CENPW: variants seen among roughly 807,000 people sequenced by gnomAD.
CENPW encodes the protein centromere protein W.
A neutral mutation model predicts 11.1 loss-of-function variants in CENPW; 3 were observed. The ratio of observed to expected loss-of-function variants is 0.27; its 90% CI spans 0.12 to 0.70. The LOEUF (loss-of-function observed/expected upper bound fraction) is 0.70, where lower values mean the gene tolerates loss of function less well. Ranked by LOEUF, CENPW falls within the 30% of genes least tolerant of loss-of-function variation. The pLI, the probability that CENPW is intolerant of heterozygous loss-of-function variation, is 0.77. For synonymous variants in CENPW, 38 were observed against 42.0 expected, an observed-to-expected ratio of 0.91 and a Z score of 0.37; for missense variants, 100 against 105.6, an observed-to-expected ratio of 0.95 and a Z score of 0.23.
chr6:126,375,832 A>G, the CENPW span, among the ~76,000 whole-genome samples: 1 of 152,048 alleles, frequency 6.6e-6, no homozygotes, highest in Non-Finnish European at 1.5e-5. Flanking sequence ...ACTCCTTTCT[A>G]ATTTCTAATG....
chr6:126,364,075 G>A, the CENPW span, among the ~76,000 whole-genome samples: 2 of 152,114 alleles, frequency 1.3e-5, no homozygotes, highest in East Asian at 1.9e-4. Context: ...AGTTTGACAG[G>A]CTATAGTGAA....
the CENPW span, among the ~76,000 whole-genome samples, chr6:126,396,140 G>GC: frequency 1.0e-2 from 1,516 of 152,184 alleles, 21 homozygotes; most frequent in African/African-American, 0.035. Context: ...GCTCCCCCAG[G>GC]CCCTGAGTGT....
At chr6:126,396,031 C>G in the CENPW span, among the ~76,000 whole-genome samples, 18 of 152,212 alleles carry the variant, frequency 1.2e-4, no homozygotes, top group African/African-American at 4.3e-4. Flanking sequence ...AGTGTAACCA[C>G]TAACTGGCTA....
the CENPW span, among the ~76,000 whole-genome samples, chr6:126,372,412 A>G: frequency 6.6e-6 from 1 of 152,206 alleles, no homozygotes. Flanking sequence ...TCTTTTCAAA[A>G]TTGCATATCA....
At chr6:126,440,205 G>A in the CENPW span, among the ~76,000 whole-genome samples, 1 of 151,596 alleles carries the variant, frequency 6.6e-6, no homozygotes, top group African/African-American at 2.4e-5. Context: ...ATAGGTGAGA[G>A]CATGAATAAA....
the CENPW span, among the ~76,000 whole-genome samples, chr6:126,465,265 CA>C: frequency 1.8e-4 from 28 of 152,028 alleles, no homozygotes; most frequent in Admixed American, 1.6e-3. Flanking sequence ...AAATTAAAAA[CA>C]GAGTTTACAA....
chr6:126,400,400 A>T, the CENPW span, among the ~76,000 whole-genome samples: 2 of 151,988 alleles, frequency 1.3e-5, no homozygotes, highest in Admixed American at 6.6e-5. Flanking sequence ...TTTAAAATTT[A>T]TACTGTCTTT....
chr6:126,412,543 C>T, the CENPW span, among the ~76,000 whole-genome samples: 7 of 152,014 alleles, frequency 4.6e-5, no homozygotes, highest in African/African-American at 1.7e-4. Flanking sequence ...TTGTATTTAT[C>T]CTACATGGAA....
chr6:126,363,357 CA>C, the CENPW span, among the ~76,000 whole-genome samples: 1 of 152,282 alleles, frequency 6.6e-6, no homozygotes, highest in African/African-American at 2.4e-5. Flanking sequence ...ATTTCACATA[CA>C]AATTTAATTT....
chr6:126,468,615 G>T, the CENPW span, among the ~76,000 whole-genome samples: 1 of 151,808 alleles, frequency 6.6e-6, no homozygotes, highest in Non-Finnish European at 1.5e-5. Flanking sequence ...CTAATGTAAA[G>T]ATATTAATAA....
chr6:126,351,961 G>C (rs1780496380), downstream of CENPW, among the ~76,000 whole-genome samples: 1 of 151,992 alleles, frequency 6.6e-6, no homozygotes, highest in Non-Finnish European at 1.5e-5. Flanking sequence ...GCTTTACTAA[G>C]CTTCAAAATC....
the CENPW span, among the ~76,000 whole-genome samples, chr6:126,409,447 G>C: frequency 6.6e-6 from 1 of 152,086 alleles, no homozygotes; most frequent in East Asian, 1.9e-4. Context: ...GTAATGTGAA[G>C]TTTAAATCCA....
chr6:126,397,996 C>A, the CENPW span, among the ~76,000 whole-genome samples: 2 of 152,046 alleles, frequency 1.3e-5, no homozygotes, highest in East Asian at 3.9e-4. Context: ...ACTCATCAAA[C>A]TAGATTTGGT....
Position 126,340,203 on chromosome 6 carries a change from G to C in CENPW, c.-71G>C. 6.9e-7 allele frequency: 1 copy of C among 1,450,418 alleles called. No homozygotes were observed. Among genetic ancestry groups the C allele is most frequent in the Non-Finnish European group, 9.6e-7 (1 of 1,042,918 alleles). 89.8% of individuals were successfully genotyped at this position (1,450,418 alleles called of 1,614,324 possible). ...GGACCGGATTGTTTTCGCTGGCCCA[G>C]TGTCCCCGGAGCTTGTGTGCGATAC... On this transcript the variant is annotated 5_prime_UTR_variant, in exon 1 of 3. Transcript: ENST00000368328.
the CENPW span, among the ~76,000 whole-genome samples, chr6:126,354,365 C>T: frequency 2.6e-5 from 4 of 152,002 alleles, no homozygotes; most frequent in Admixed American, 2.6e-4. Context: ...TGGCATGTAC[C>T]GAACACTAAT....
chr6:126,360,905 T>A, the CENPW span, among the ~76,000 whole-genome samples: 3 of 135,062 alleles, frequency 2.2e-5, no homozygotes, highest in South Asian at 9.2e-4. Context: ...CTGAATTCTG[T>A]GTGTGTCATT....
In CENPW at chr6:126,343,084, G is replaced by A. The variant is rs1780344072; in HGVS notation, c.126+2685G>A. 2.6e-5 allele frequency among the ~76,000 whole-genome samples: 4 copies of A among 152,182 alleles called. No homozygotes were observed. The South Asian group carries it at 6.2e-4, about 24-fold the overall frequency. On this transcript the variant is annotated intron_variant, in intron 1 of 2. Coordinates refer to ENST00000368328, the MANE Select transcript of CENPW (RefSeq NM_001012507.4). ...AGTGCTATGACAAAGGGAGGAGAAA[G>A]TCAGACTGGCCCAGTCTTTCTGTCA...
At chr6:126,384,945 A>G in the CENPW span, among the ~76,000 whole-genome samples, 1 of 152,024 alleles carries the variant, frequency 6.6e-6, no homozygotes, top group African/African-American at 2.4e-5. Context: ...AAAAGTGGAG[A>G]GAGGACATCA....
the CENPW span, among the ~76,000 whole-genome samples, chr6:126,368,897 G>T: frequency 6.6e-6 from 1 of 151,872 alleles, no homozygotes. Flanking sequence ...CACGTGACTC[G>T]CCTCCCAAAG....
Sources: allele counts gnomAD v4.1 joint callset (sites outside exome capture counted in the v4.1 genomes callset), GRCh38; gene constraint gnomAD v4.1.1; transcripts MANE v1.5; gene names NCBI Gene and HGNC (gene_info 2026-07-23, HGNC 2026-07-21).